Variants in SI observed in about 807,000 individuals in gnomAD.
SI encodes sucrase-isomaltase.
In SI, 235 loss-of-function variants were observed where a neutral mutation model predicts 253.3. That is an observed-to-expected ratio of 0.93 (90% CI 0.83 to 1.03). The LOEUF is 1.03. Ranked by LOEUF, SI falls within the 50% of genes least tolerant of loss-of-function variation. The pLI is 0.00. For missense variants in SI, 2,442 were observed against 2,211.1 expected (o/e 1.10, Z -2.09); for synonymous variants, 819 against 712.0 (o/e 1.15, Z -2.39).
chr3:165,062,260 A>G, intron 9 of SI, 111 bp downstream of exon 9: 1 of 665,256 alleles, frequency 1.5e-6, no homozygotes, highest in Non-Finnish European at 2.7e-6. Flanking sequence ...TTTCGAAAAC[A>G]TTTAGCTAAG....
chr3:165,067,408 C>T lies in SI; in HGVS notation c.567G>A (p.Leu189=), dbSNP rs76463353. 43,773 of 1,612,420 alleles carry T rather than the reference C, an allele frequency of 0.027. 1,296 individuals carry two copies. The highest frequency in any genetic ancestry group is 0.1 in the African/African-American group (7,730 of 74,910). ...GGTTTTGGGCAACCTTCACATCATACAACGTATCAGAAACTGTGGGTCCAG... is the reference window on the plus strand; with the variant it reads ...GGTTTTGGGCAACCTTCACATCATATAACGTATCAGAAACTGTGGGTCCAG... The part of the protein sequence containing the change: ...EFTGPTVSDT[L]YDVKVAQNPF... The change falls in exon 6 of 48, where the codon TTG becomes TTA. Residue 189 remains leucine, a synonymous_variant. Transcript: ENST00000264382.
chr3:165,035,500 T>A (rs1483145392), intron 22 of SI, among the ~76,000 whole-genome samples: 2 of 151,646 alleles, frequency 1.3e-5, no homozygotes, highest in East Asian at 3.9e-4. Flanking sequence ...AATCCTGTGG[T>A]AATTTTTAAA....
Position 165,019,719 on chromosome 3 carries a change from T to C in SI, c.3306A>G (p.Ile1102Met). ...TATATTCTGATGGCAGGCGAGTCGA[T>C]ATTTGAATGAACTGGTCATTAAAAG... ...GFAFNDQFIQ[I>M]STRLPSEYIY... Residue 1102 changes from isoleucine to methionine, a missense_variant, in exon 28 of 48, where the codon ATA (isoleucine) becomes ATG (methionine). Coordinates refer to ENST00000264382, the MANE Select transcript of SI (RefSeq NM_001041.4). 6.2e-7 allele frequency: 1 copy of C among 1,612,636 alleles called. No homozygotes were observed. Among genetic ancestry groups the C allele is most frequent in the Non-Finnish European group, 8.5e-7 (1 of 1,179,020 alleles).
chr3:165,006,966 C>T lies in SI; in HGVS notation c.4268-12G>A. The T allele has an allele frequency of 1.9e-6, 3 of 1,576,414 alleles. No individual in the cohort carries two copies. The highest frequency in any genetic ancestry group is 2.6e-6 in the Non-Finnish European group (3 of 1,151,596). ...TCTTTTTGTGAGTTCTGGAAAGAAT[C>T]AATGAAAAAATATTAATATATTATA... On this transcript the variant is annotated splice_polypyrimidine_tract_variant and intron_variant, in intron 36 of 47. Coordinates refer to ENST00000264382, the MANE Select transcript of SI (RefSeq NM_001041.4).
intron 13 of SI, among the ~76,000 whole-genome samples, chr3:165,053,816 TAA>T (rs1390350014): frequency 1.3e-5 from 2 of 151,926 alleles, no homozygotes; most frequent in African/African-American, 2.4e-5. Flanking sequence ...AAGAAAAAAA[TAA>T]AAGACTAAAG....
rs1485391418 is a variant in SI at position 165,015,960 on chromosome 3, T to C, written c.3880A>G (p.Ile1294Val). The change falls in exon 32 of 48, where the codon ATT (isoleucine) becomes GTT (valine). Residue 1294 changes from isoleucine (I) to valine (V), a missense_variant. Physicochemically the swap from Ile to Val is conservative, Grantham distance 29 (BLOSUM62 3). Transcript: ENST00000264382. ...AAACTCCAAGTACTGACCAGGATAA[T>C]AATGTATCTCATTCCTTCTCCTCTT... ...KIRGEGMRYI[I>V]ILDPAISGNE... The C allele has an allele frequency of 1.9e-6, 3 of 1,609,734 alleles. No individual in the cohort carries two copies. The highest frequency in any genetic ancestry group is 1.1e-5 in the South Asian group (1 of 91,026).
the SI span, among the ~76,000 whole-genome samples, chr3:165,087,170 G>C: frequency 6.6e-6 from 1 of 151,218 alleles, no homozygotes; most frequent in Non-Finnish European, 1.5e-5. Flanking sequence ...AAACTGTCTT[G>C]GAGAATGGGT....
At position 165,049,031 on chromosome 3, in the gene SI, C is replaced by T. The variant is rs1713288511; in HGVS notation, c.1715+96G>A. Reference sequence around the variant, plus strand: ...TAAAATATTATCTTTCTTTTTTCAACTTTGCTATTTCCTAATTATGAATAC... The same window carrying T: ...TAAAATATTATCTTTCTTTTTTCAATTTTGCTATTTCCTAATTATGAATAC... On this transcript the variant is annotated intron_variant, in intron 15 of 47. Coordinates refer to ENST00000264382, the MANE Select transcript of SI (RefSeq NM_001041.4). 6.4e-6 allele frequency: 5 copies of T among 783,452 alleles called. No individual in the cohort carries two copies. The East Asian group carries it at 1.0e-4, about 16-fold the overall frequency. The allele number at this position is 783,452 out of a possible 1,614,324, so 48.5% of individuals were successfully genotyped here. A position where few individuals can be genotyped will look rare whatever the true frequency, so the allele number is the denominator to read the frequency against.
chr3:165,085,535 G>C, the SI span, among the ~76,000 whole-genome samples: 1 of 152,074 alleles, frequency 6.6e-6, no homozygotes, highest in African/African-American at 2.4e-5. Flanking sequence ...AAGAAACGCT[G>C]TCCAGCTCTA....
At chr3:165,087,321 A>G in the SI span, among the ~76,000 whole-genome samples, 1 of 152,022 alleles carries the variant, frequency 6.6e-6, no homozygotes, top group African/African-American at 2.4e-5. Flanking sequence ...AGAGAACGAC[A>G]CCCTTATCAA....
In SI at chr3:165,032,622, T is replaced by A; in HGVS notation, c.2636A>T (p.Lys879Ile). 6.2e-7 allele frequency: 1 copy of A among 1,609,132 alleles called. No individual in the cohort carries two copies. Among genetic ancestry groups the A allele is most frequent in the South Asian group, 1.1e-5 (1 of 90,936 alleles). ...EGTTLAFQTV[K>I]ILGLTDSVTE... Reference sequence around the variant, plus strand: ...AACACTGTCTGTCAACCCAAGGATTTTTACAGTCTGAAATGCTAAGGTAGT... The same window carrying A: ...AACACTGTCTGTCAACCCAAGGATTATTACAGTCTGAAATGCTAAGGTAGT... The change falls in exon 24 of 48, where the codon AAA becomes ATA. Residue 879 changes from lysine (K) to isoleucine (I), a missense_variant. Transcript: ENST00000264382.
Position 165,059,262 on chromosome 3 carries a change from T to C in SI, c.1184A>G (p.Lys395Arg). The C allele has an allele frequency of 1.2e-6, 2 of 1,612,758 alleles. No homozygotes were observed. The change falls in exon 11 of 48, where the codon AAG (lysine) becomes AGG (arginine). Residue 395 changes from lysine (K) to arginine (R), a missense_variant. Lys to Arg is a conservative substitution (Grantham distance 26). Transcript: ENST00000264382. Reference protein sequence around the residue: ...QVTDIDYMEDKKDFTYDQVAF... With the variant: ...QVTDIDYMEDRKDFTYDQVAF... ...AACTTGATCATAAGTAAAGTCTTTCTTGTCTTCCATGTAGTCAATATCAGT... is the reference window on the plus strand; with the variant it reads ...AACTTGATCATAAGTAAAGTCTTTCCTGTCTTCCATGTAGTCAATATCAGT...
At chr3:165,080,748 G>A (rs1159360372), upstream of SI, among the ~76,000 whole-genome samples, 1 of 151,982 alleles carries the variant, frequency 6.6e-6, no homozygotes, top group Non-Finnish European at 1.5e-5. Context: ...ACTGGGGCCT[G>A]TCATGAGGTG....
chr3:165,031,360 A>T (rs1712229545), intron 24 of SI, among the ~76,000 whole-genome samples: 1 of 146,834 alleles, frequency 6.8e-6, no homozygotes, highest in African/African-American at 2.5e-5. Flanking sequence ...TATATATATA[A>T]TATATATATA....
intron 24 of SI, among the ~76,000 whole-genome samples, 193 bp downstream of exon 24, chr3:165,032,329 A>G (rs1312850345): frequency 1.1e-4 from 16 of 151,274 alleles, no homozygotes; most frequent in Non-Finnish European, 1.9e-4. Context: ...TGATATCTAA[A>G]TACAAATTGG....
At chr3:165,057,629 T>C (rs1017518193) in intron 12 of SI, among the ~76,000 whole-genome samples, 2 of 151,394 alleles carry the variant, frequency 1.3e-5, no homozygotes, top group Non-Finnish European at 2.9e-5. Context: ...CTCCAATATA[T>C]CTGGCACAGA....
upstream of SI, among the ~76,000 whole-genome samples, chr3:165,083,356 C>A (rs995053527): frequency 2.0e-5 from 3 of 151,814 alleles, no homozygotes; most frequent in Non-Finnish European, 2.9e-5. Context: ...ACAGCTTTCT[C>A]TCATTCATCC....
At chr3:165,041,891 C>T (rs1466526233) in intron 17 of SI, among the ~76,000 whole-genome samples, 2 of 152,086 alleles carry the variant, frequency 1.3e-5, no homozygotes, top group African/African-American at 2.4e-5. Context: ...CCATGCAGGC[C>T]TATTCTTGGG....
chr3:165,030,572 G>C, intron 25 of SI, 140 bp downstream of exon 25: 1 of 852,970 alleles, frequency 1.2e-6, no homozygotes, highest in East Asian at 2.6e-5. Flanking sequence ...GCCTGTCAGA[G>C]ATGCTAACTT....
Sources: allele counts gnomAD v4.1 joint callset (sites outside exome capture counted in the v4.1 genomes callset), GRCh38; gene constraint gnomAD v4.1.1; transcripts MANE v1.5; gene names NCBI Gene and HGNC (gene_info 2026-07-23, HGNC 2026-07-21).